The following EBF3 variants were observed in gnomAD, a reference collection of about 807,000 sequenced individuals.
The protein encoded by EBF3 is transcription factor COE3.
In EBF3, 18 loss-of-function variants were observed where a neutral mutation model predicts 77.1. The ratio of observed to expected loss-of-function variants is 0.23; its 90% CI spans 0.16 to 0.35. EBF3 has a LOEUF of 0.35. Among genes scored for constraint, EBF3 ranks in the 10% least tolerant of loss-of-function variants. The pLI is 1.00. For missense variants in EBF3, 558 were observed against 860.0 expected, an observed-to-expected ratio of 0.65 and a Z score of 4.39; for synonymous variants, 350 against 343.5, an observed-to-expected ratio of 1.02 and a Z score of -0.21.
chr10:129,918,392 G>A (rs898570790), intron 6 of EBF3, among the ~76,000 whole-genome samples: 1 of 152,212 alleles, frequency 6.6e-6, no homozygotes, highest in East Asian at 1.9e-4. Flanking sequence ...AAGGCCTCAT[G>A]TTTAATGTAA....
intron 6 of EBF3, among the ~76,000 whole-genome samples, chr10:129,950,917 C>G (rs1490883119): frequency 6.6e-6 from 1 of 152,208 alleles, no homozygotes; most frequent in Admixed American, 6.5e-5. Context: ...ACTTCCTGTA[C>G]CCCCACTTGT....
At chr10:129,877,924 T>A in intron 6 of EBF3, 75 bp from the exon 7 acceptor site, 3 of 1,214,230 alleles carry the variant, frequency 2.5e-6, no homozygotes, top group South Asian at 2.6e-5. Flanking sequence ...AAGACACTCT[T>A]GCGCAGGGAG....
chr10:129,924,453 C>CA (rs908388704), intron 6 of EBF3, among the ~76,000 whole-genome samples: 6 of 140,082 alleles, frequency 4.3e-5, no homozygotes, highest in African/African-American at 1.7e-4. Flanking sequence ...AAACAAAAAA[C>CA]AAAAAACAGA....
intron 9 of EBF3, 101 bp from the exon 10 acceptor site, chr10:129,867,368 C>A: frequency 6.5e-7 from 1 of 1,539,066 alleles, no homozygotes; most frequent in South Asian, 1.2e-5. Context: ...CAAATTGGAC[C>A]ATCGTCTTGG....
chr10:129,901,298 C>CA (rs1208528854), intron 6 of EBF3, among the ~76,000 whole-genome samples: 1 of 152,178 alleles, frequency 6.6e-6, no homozygotes, highest in Non-Finnish European at 1.5e-5. Context: ...CAGAGGAATG[C>CA]ATGATTGTTT....
At chr10:129,866,883 G>C (rs901835173) in intron 10 of EBF3, among the ~76,000 whole-genome samples, 10 of 152,216 alleles carry the variant, frequency 6.6e-5, no homozygotes, top group Admixed American at 1.3e-4. Flanking sequence ...TTGTTTACAG[G>C]TGAGAAGCCC....
chr10:129,914,383 G>C (rs1363286764), intron 6 of EBF3, among the ~76,000 whole-genome samples: 1 of 152,194 alleles, frequency 6.6e-6, no homozygotes, highest in Non-Finnish European at 1.5e-5. Flanking sequence ...CTGGCCTGGG[G>C]AAGGTGGGGC....
chr10:129,946,789 C>T (rs1173282308), intron 6 of EBF3, among the ~76,000 whole-genome samples: 1 of 152,238 alleles, frequency 6.6e-6, no homozygotes, highest in African/African-American at 2.4e-5. Context: ...GATGGGGAAC[C>T]TCACCATTTA....
chr10:129,867,440 T>C (rs1476115627), intron 9 of EBF3, among the ~76,000 whole-genome samples, 173 bp from the exon 10 acceptor site: 1 of 152,194 alleles, frequency 6.6e-6, no homozygotes, highest in Non-Finnish European at 1.5e-5. Flanking sequence ...AAGAAAAATA[T>C]CTGCAAATGA....
intron 7 of EBF3, among the ~76,000 whole-genome samples, chr10:129,876,885 A>AACCCCCCCCC (rs1852809898): frequency 2.4e-5 from 1 of 42,368 alleles, no homozygotes; most frequent in Non-Finnish European, 4.4e-5. Context: ...TCATCCCTGA[A>AACCCCCCCCC]CCCCCCCCCC....
chr10:129,857,503 C>A (rs902521316), intron 10 of EBF3, among the ~76,000 whole-genome samples: 36 of 152,204 alleles, frequency 2.4e-4, no homozygotes, highest in African/African-American at 8.4e-4. Flanking sequence ...CCAACCATCT[C>A]CCCAGGGCGC....
rs1183421125 is a variant in EBF3 at position 129,837,407 on chromosome 10, T to A, written c.*536A>T. 1 of 153,528 alleles carries A rather than the reference T, an allele frequency of 6.5e-6. No individual in the cohort carries two copies. The highest frequency in any genetic ancestry group is 1.5e-5 in the Non-Finnish European group (1 of 68,890). 9.5% of individuals were successfully genotyped at this position (153,528 alleles called of 1,614,324 possible). ...ACCCCAGTTTCTCCTCATCATATAG[T>A]CATCCTTTTTTCCAGTCTGATGGCT... On this transcript the variant is annotated 3_prime_UTR_variant, in exon 17 of 17. Transcript: ENST00000440978.
intron 10 of EBF3, among the ~76,000 whole-genome samples, chr10:129,858,475 G>A (rs962076978): frequency 8.5e-5 from 13 of 152,188 alleles, no homozygotes; most frequent in African/African-American, 3.1e-4. Context: ...AGCTTGGGTG[G>A]GATGTTTCTG....
intron 6 of EBF3, among the ~76,000 whole-genome samples, chr10:129,932,211 T>G (rs761772029): frequency 2.0e-5 from 3 of 152,224 alleles, no homozygotes; most frequent in Non-Finnish European, 4.4e-5. Flanking sequence ...AAGGTATTAT[T>G]GTTGCTTTCA....
At position 129,897,356 on chromosome 10, in the gene EBF3, C is replaced by T. The variant is rs1854468045; in HGVS notation, c.555-19507G>A. ...GTTCTTGGGGGTACACCAGTGGCCC[C>T]AGGACCTTTGTGGAACCAGAGCAGA... is the stretch of plus-strand genomic sequence containing the variant. On this transcript the variant is annotated intron_variant, in intron 6 of 16. Coordinates refer to ENST00000440978, the MANE Select transcript of EBF3 (RefSeq NM_001375380.1). This position sits in a 1 kb window ranked among gnomAD's most constrained non-coding sequence, Gnocchi z 4.6. Among the ~76,000 whole-genome samples, 1 of 152,176 alleles carries T rather than the reference C, an allele frequency of 6.6e-6. No individual in the cohort carries two copies. The highest frequency in any genetic ancestry group is 1.5e-5 in the Non-Finnish European group (1 of 68,034).
chr10:129,887,771 GCGAGTGGTGGGTTCGCACATGC>G (rs1188547872), intron 6 of EBF3, among the ~76,000 whole-genome samples: 1 of 152,148 alleles, frequency 6.6e-6, no homozygotes, highest in Non-Finnish European at 1.5e-5. Context: ...GTCACACATG[GCGAGTGGTGGGTTCGCACATGC>G]CAGCCCCAAG....
Position 129,963,244 on chromosome 10 carries a change from C to T in EBF3, c.291+123G>A. On this transcript the variant is annotated intron_variant, in intron 2 of 16. Coordinates refer to ENST00000440978, the MANE Select transcript of EBF3 (RefSeq NM_001375380.1). This position sits in a 1 kb window ranked among gnomAD's most constrained non-coding sequence, Gnocchi z 7.1. ...GGTCCCGGGCGGCCGCACGTGGCGG[C>T]GGCGGGGTGGCCTGGCGGAGCCGAG... 7.3e-7 allele frequency: 1 copy of T among 1,371,852 alleles called. No individual in the cohort carries two copies. The highest frequency in any genetic ancestry group is 9.5e-7 in the Non-Finnish European group (1 of 1,048,342). 85.0% of individuals were successfully genotyped at this position (1,371,852 alleles called of 1,614,324 possible). A position where few individuals can be genotyped will look rare whatever the true frequency, so the allele number is the denominator to read the frequency against.
At chr10:129,959,945 C>G (rs1199390403) in intron 4 of EBF3, among the ~76,000 whole-genome samples, 4 of 152,156 alleles carry the variant, frequency 2.6e-5, no homozygotes, top group Non-Finnish European at 5.9e-5. Flanking sequence ...AGTCTCTGCG[C>G]GCACGCTCGG....
intron 6 of EBF3, among the ~76,000 whole-genome samples, chr10:129,949,136 TA>T (rs771388748): frequency 4.6e-5 from 7 of 151,708 alleles, no homozygotes; most frequent in African/African-American, 1.2e-4. Context: ...CTGTCTCTAC[TA>T]AAAAAAATAC....
Sources: allele counts gnomAD v4.1 joint callset (sites outside exome capture counted in the v4.1 genomes callset), GRCh38; gene constraint gnomAD v4.1.1; non-coding constraint Gnocchi (gnomAD v3.1); transcripts MANE v1.5; gene names NCBI Gene and HGNC (gene_info 2026-07-23, HGNC 2026-07-21).